The following CMSS1 variants were observed in gnomAD, a reference collection of about 807,000 sequenced individuals.
The protein encoded by CMSS1 is protein CMSS1.
In CMSS1, 33 loss-of-function variants were observed where a neutral mutation model predicts 43.5. The observed-to-expected ratio is 0.76, with a 90% CI of 0.57 to 1.01. The LOEUF is 1.01. Among genes scored for constraint, CMSS1 ranks in the 50% least tolerant of loss-of-function variants. The pLI, the probability that CMSS1 is intolerant of heterozygous loss-of-function variation, is 0.00. For synonymous variants in CMSS1, 115 were observed against 117.2 expected (o/e 0.98, Z 0.12); for missense variants, 313 against 326.4 (o/e 0.96, Z 0.32).
intron 1 of CMSS1, among the ~76,000 whole-genome samples, chr3:100,019,927 T>C (rs2064777223): frequency 6.6e-6 from 1 of 152,154 alleles, no homozygotes; most frequent in African/African-American, 2.4e-5. Context: ...AGAATGAGAT[T>C]GAGGGCAGGG....
At chr3:99,865,290 C>A (rs183214352) in intron 1 of CMSS1, among the ~76,000 whole-genome samples, 1 of 152,234 alleles carries the variant, frequency 6.6e-6, no homozygotes, top group East Asian at 1.9e-4. Context: ...AGCCAGAATG[C>A]CAGTGTAGTT....
Position 100,062,093 on chromosome 3 carries a change from C to CTTTTTTTTTTTTTT in CMSS1, c.65-84857_65-84844dup, listed in dbSNP as rs71907944. 9.6e-4 allele frequency among the ~76,000 whole-genome samples: 51 copies of CTTTTTTTTTTTTTT among 53,178 alleles called. 14 individuals carry two copies. The highest frequency in any genetic ancestry group is 2.1e-3 in the East Asian group (4 of 1,940). 34.9% of individuals were successfully genotyped at this position (53,178 alleles called of 152,430 possible). On this transcript the variant is annotated intron_variant, in intron 1 of 9. Transcript: ENST00000421999. Reference sequence around the variant, plus strand: ...CCACTTGTGGTTATCCTGTCTTCTTCTTTTTTTTTTTTTTTTTTTTTTTTT... The same window carrying CTTTTTTTTTTTTTT: ...CCACTTGTGGTTATCCTGTCTTCTTCTTTTTTTTTTTTTTTTTTTTTTTTTTTTTTTTTTTTTTT...
intron 1 of CMSS1, among the ~76,000 whole-genome samples, chr3:99,965,022 T>C (rs1708607189): frequency 6.6e-6 from 1 of 152,258 alleles, no homozygotes; most frequent in Admixed American, 6.5e-5. Flanking sequence ...TAGATACTGC[T>C]GTATCTGTAA....
chr3:100,101,764 TC>T (rs1336022525), intron 1 of CMSS1, among the ~76,000 whole-genome samples: 2 of 151,924 alleles, frequency 1.3e-5, no homozygotes. Context: ...ATGCTATCCC[TC>T]CCCGCTCCCC....
intron 3 of CMSS1, among the ~76,000 whole-genome samples, chr3:100,161,841 A>G (rs1428872420): frequency 2.0e-5 from 3 of 152,182 alleles, no homozygotes; most frequent in East Asian, 1.9e-4. Flanking sequence ...GTAGGCCCCT[A>G]TGCTCAGATT....
intron 1 of CMSS1, among the ~76,000 whole-genome samples, chr3:99,890,547 T>A (rs543411248): frequency 6.6e-6 from 1 of 152,308 alleles, no homozygotes; most frequent in East Asian, 1.9e-4. Context: ...AGTTATTCCA[T>A]CTGTTTGGCT....
chr3:100,047,877 C>T (rs985448650), intron 1 of CMSS1, among the ~76,000 whole-genome samples: 2 of 151,610 alleles, frequency 1.3e-5, no homozygotes, highest in Non-Finnish European at 2.9e-5. Context: ...ACAGGGTGGG[C>T]GAAAAATGAT....
chr3:99,902,697 A>G (rs968283500), intron 1 of CMSS1, among the ~76,000 whole-genome samples: 1 of 152,188 alleles, frequency 6.6e-6, no homozygotes, highest in Non-Finnish European at 1.5e-5. Context: ...CACTAAATCA[A>G]TAGTGTGATC....
chr3:99,983,456 A>ATATATGTG (rs1553702753), intron 1 of CMSS1, among the ~76,000 whole-genome samples: 328 of 9,756 alleles, frequency 0.034, 11 homozygotes, highest in East Asian at 0.076. Context: ...GTATATATAT[A>ATATATGTG]TATGTGTGTA....
At chr3:100,087,400 AC>A (rs2066028590) in intron 1 of CMSS1, among the ~76,000 whole-genome samples, 1 of 152,076 alleles carries the variant, frequency 6.6e-6, no homozygotes, top group African/African-American at 2.4e-5. Flanking sequence ...GTTTTGGTTG[AC>A]TGGGTTTTGT....
At chr3:100,050,517 ATTTG>A (rs747927933) in intron 1 of CMSS1, among the ~76,000 whole-genome samples, 9 of 152,084 alleles carry the variant, frequency 5.9e-5, no homozygotes, top group East Asian at 1.9e-4. Flanking sequence ...AATTCCCACA[ATTTG>A]TTTGTTTATT....
At chr3:100,067,071 T>G (rs2065678705) in intron 1 of CMSS1, among the ~76,000 whole-genome samples, 1 of 152,228 alleles carries the variant, frequency 6.6e-6, no homozygotes. Context: ...TTAGGTTAAC[T>G]GTCACAGGGC....
At chr3:100,090,581 T>A (rs1300046621) in intron 1 of CMSS1, among the ~76,000 whole-genome samples, 1 of 152,194 alleles carries the variant, frequency 6.6e-6, no homozygotes, top group Non-Finnish European at 1.5e-5. Context: ...CTGGGCTCTT[T>A]CTCTGCAACA....
chr3:100,078,626 C>G (rs2065885915), intron 1 of CMSS1, among the ~76,000 whole-genome samples: 2 of 152,130 alleles, frequency 1.3e-5, no homozygotes, highest in Admixed American at 6.5e-5. Flanking sequence ...TGGTGGCTCG[C>G]TGGCCTGTAA....
At chr3:100,117,878 T>TATATATATAC (rs1357671856) in intron 1 of CMSS1, among the ~76,000 whole-genome samples, 26 of 129,066 alleles carry the variant, frequency 2.0e-4, no homozygotes, top group African/African-American at 7.3e-4. Flanking sequence ...TATATATATA[T>TATATATATAC]ACACATACAA....
chr3:99,998,856 A>G (rs1017950883), intron 1 of CMSS1, among the ~76,000 whole-genome samples: 2 of 152,194 alleles, frequency 1.3e-5, no homozygotes, highest in Non-Finnish European at 2.9e-5. Flanking sequence ...GGCGTGAGCC[A>G]CCGCGCCCGG....
chr3:100,085,853 G>A (rs529105495), intron 1 of CMSS1, among the ~76,000 whole-genome samples: 2 of 152,280 alleles, frequency 1.3e-5, no homozygotes, highest in East Asian at 3.9e-4. Context: ...CAGGAAAAGA[G>A]GTGGTTACAT....
At chr3:99,850,800 C>A in intron 1 of CMSS1, 1 of 1,614,188 alleles carries the variant, frequency 6.2e-7, no homozygotes, top group Middle Eastern at 1.6e-4. Flanking sequence ...GCAGTTCCTT[C>A]TCTAGTCTGG....
intron 1 of CMSS1, among the ~76,000 whole-genome samples, chr3:100,008,590 A>G (rs1304460928): frequency 1.3e-5 from 2 of 152,242 alleles, no homozygotes; most frequent in East Asian, 3.8e-4. Context: ...GGACAATAGC[A>G]AAGACAGGGA....
Sources: allele counts gnomAD v4.1 joint callset (sites outside exome capture counted in the v4.1 genomes callset), GRCh38; gene constraint gnomAD v4.1.1; transcripts MANE v1.5; gene names NCBI Gene and HGNC (gene_info 2026-07-23, HGNC 2026-07-21).